SLC45A4: variants seen among roughly 807,000 people sequenced by gnomAD.
SLC45A4 encodes the protein polyamine-transporter SLC45A4.
Under a neutral mutation model 63.7 loss-of-function variants are expected in SLC45A4, and 32 were observed. The observed-to-expected ratio is 0.50, with a 90% CI of 0.38 to 0.67. The LOEUF (loss-of-function observed/expected upper bound fraction) is 0.67. Ranked by LOEUF, SLC45A4 falls within the 30% of genes least tolerant of loss-of-function variation. The pLI is 0.00. For missense variants in SLC45A4, 1,027 were observed against 1,157.7 expected, an observed-to-expected ratio of 0.89 and a Z score of 1.64; for synonymous variants, 535 against 510.0, an observed-to-expected ratio of 1.05 and a Z score of -0.66.
chr8:141,246,407 CGG>C (rs1828195422), intron 2 of SLC45A4, among the ~76,000 whole-genome samples: 1 of 152,220 alleles, frequency 6.6e-6, no homozygotes, highest in Non-Finnish European at 1.5e-5. Context: ...CTGAGAGCCT[CGG>C]CCCTGGGGGT....
At position 141,209,854 on chromosome 8, in the gene SLC45A4, T is replaced by C. The variant is rs1275434516; in HGVS notation, c.*1718A>G. On this transcript the variant is annotated 3_prime_UTR_variant, in exon 9 of 9. Coordinates refer to ENST00000517878, the MANE Select transcript of SLC45A4 (RefSeq NM_001286646.2). ...GGGGTTGCGAAGCCCCTCTTCCTCCTAAAAATCAAGTCGCAGCCAGGCCCT... is the reference window on the plus strand; with the variant it reads ...GGGGTTGCGAAGCCCCTCTTCCTCCCAAAAATCAAGTCGCAGCCAGGCCCT... 1 of 152,222 alleles carries C rather than the reference T, an allele frequency of 6.6e-6. No homozygotes were observed. The highest frequency in any genetic ancestry group is 1.5e-5 in the Non-Finnish European group (1 of 68,064). The allele number at this position is 152,222 out of a possible 1,614,324, so 9.4% of individuals were successfully genotyped here. A position where few individuals can be genotyped will look rare whatever the true frequency, so the allele number is the denominator to read the frequency against.
intron 1 of SLC45A4, among the ~76,000 whole-genome samples, chr8:141,293,751 G>C (rs1416982283): frequency 6.6e-6 from 1 of 152,066 alleles, no homozygotes; most frequent in African/African-American, 2.4e-5. Context: ...TGGCAAACAT[G>C]GTGAAACCCC....
chr8:141,267,616 CA>C (rs1829328156), intron 1 of SLC45A4, among the ~76,000 whole-genome samples: 1 of 152,124 alleles, frequency 6.6e-6, no homozygotes, highest in Admixed American at 6.5e-5. Context: ...GCTGGAAGAA[CA>C]AGAGCCAATA....
At chr8:141,211,973 C>T (rs1171767135) in intron 8 of SLC45A4, 30 of 1,282,472 alleles carry the variant, frequency 2.3e-5, no homozygotes, top group East Asian at 9.0e-5. Context: ...TTTTAATTAT[C>T]GAAAAAGTGG....
chr8:141,264,238 G>T (rs1213757212), intron 1 of SLC45A4, among the ~76,000 whole-genome samples: 1 of 152,186 alleles, frequency 6.6e-6, no homozygotes, highest in East Asian at 1.9e-4. Context: ...GTGTGAGTCA[G>T]GAGCCACTTT....
chr8:141,223,553 C>A (rs888080735), intron 2 of SLC45A4, among the ~76,000 whole-genome samples: 1 of 152,214 alleles, frequency 6.6e-6, no homozygotes, highest in Non-Finnish European at 1.5e-5. Context: ...CGCAGAGCTG[C>A]GGAGCCTGTG....
chr8:141,239,206 CTG>C (rs961575485), intron 2 of SLC45A4, among the ~76,000 whole-genome samples: 4 of 152,154 alleles, frequency 2.6e-5, no homozygotes, highest in African/African-American at 9.7e-5. Context: ...AAAAAGGAAA[CTG>C]TTTAGGGTTA....
Position 141,211,335 on chromosome 8 carries a change from A to T in SLC45A4, c.*237T>A. ...CGAGCGGGGTCACATGGCTGGGCGC[A>T]GACACACTCACACGCGCACGCAGGA... is the stretch of plus-strand genomic sequence containing the variant. On this transcript the variant is annotated 3_prime_UTR_variant, in exon 9 of 9. Coordinates refer to ENST00000517878, the MANE Select transcript of SLC45A4 (RefSeq NM_001286646.2). 2 of 1,319,800 alleles carry T rather than the reference A, an allele frequency of 1.5e-6. No individual in the cohort carries two copies. The highest frequency in any genetic ancestry group is 2.0e-6 in the Non-Finnish European group (2 of 981,574). The allele number at this position is 1,319,800 out of a possible 1,614,324, so 81.8% of individuals were successfully genotyped here.
In SLC45A4 at chr8:141,293,920, G is replaced by A. The variant is rs149170926; in HGVS notation, c.-401+14176C>T. ...TGCACTCCAGCCTGGGCAACAGAGC[G>A]AGACTCTATCTCAAGAAAAAAAAAA... is the stretch of plus-strand genomic sequence containing the variant. On this transcript the variant is annotated intron_variant, in intron 1 of 8. Coordinates refer to ENST00000517878, the MANE Select transcript of SLC45A4 (RefSeq NM_001286646.2). 6.7e-3 allele frequency among the ~76,000 whole-genome samples: 1,004 copies of A among 149,426 alleles called. 11 individuals carry two copies. The highest frequency in any genetic ancestry group is 0.022 in the African/African-American group (886 of 40,532).
In SLC45A4 at chr8:141,212,321, T is replaced by C; in HGVS notation, c.2177A>G (p.Glu726Gly). 6.2e-7 allele frequency: 1 copy of C among 1,611,072 alleles called. No individual in the cohort carries two copies. The highest frequency in any genetic ancestry group is 1.7e-4 in the Middle Eastern group (1 of 6,052). The change falls in exon 8 of 9, where the codon GAG becomes GGG. Residue 726 changes from glutamate to glycine, a missense_variant. By Grantham distance (98) the Glu-to-Gly change is moderately conservative. Transcript: ENST00000517878. ...CAACGGGGAAGACAGGCCTTTCTGC[T>C]CCTCCTTGGCCTCCTCTGACACGTT... The part of the protein sequence containing the change: ...YPNVSEEAKE[E>G]QKGLSSPLAG...
chr8:141,307,810 C>G (rs1589874131), intron 1 of SLC45A4, among the ~76,000 whole-genome samples: 1 of 42,254 alleles, frequency 2.4e-5, no homozygotes, highest in Non-Finnish European at 5.2e-5. Flanking sequence ...GGGGTGGGGG[C>G]CGGGGTGGGG....
chr8:141,218,270 T>C lies in SLC45A4; in HGVS notation c.1370A>G (p.Asp457Gly), dbSNP rs1458324004. Residue 457 changes from aspartate to glycine, a missense_variant, in exon 5 of 9, where the codon GAC (aspartate) becomes GGC (glycine). Transcript: ENST00000517878. ...VLIKPSRSMS[D>G]LYDMQKRQRQ... ...CTGCCGCTTCTGCATGTCGTACAGG[T>C]CGCTCATGCTGCGCGACGGCTTGAT... 1 of 1,603,516 alleles carries C rather than the reference T, an allele frequency of 6.2e-7. No homozygotes were observed.
At chr8:141,220,959 T>C (rs1236268052) in intron 3 of SLC45A4, among the ~76,000 whole-genome samples, 1 of 152,220 alleles carries the variant, frequency 6.6e-6, no homozygotes, top group African/African-American at 2.4e-5. Flanking sequence ...GCCCACCCCA[T>C]GGCCAGTGCC....
At position 141,268,910 on chromosome 8, in the gene SLC45A4, A is replaced by C. The variant is rs1460917814; in HGVS notation, c.-400-14281T>G. On this transcript the variant is annotated intron_variant, in intron 1 of 8. Coordinates refer to ENST00000517878, the MANE Select transcript of SLC45A4 (RefSeq NM_001286646.2). The stretch of plus-strand genomic sequence containing the variant: ...TCATACAACGAGCCTCTAGTCCCAG[A>C]CACATGGGCTAAAGAAATACAAAGT... 2.6e-5 allele frequency among the ~76,000 whole-genome samples: 4 copies of C among 152,324 alleles called. No homozygotes were observed. In the East Asian group the frequency reaches 5.8e-4, roughly 22 times the overall value.
At chr8:141,241,930 G>T (rs527817757) in intron 2 of SLC45A4, among the ~76,000 whole-genome samples, 1 of 152,262 alleles carries the variant, frequency 6.6e-6, no homozygotes, top group African/African-American at 2.4e-5. Flanking sequence ...AGCTGTGAAG[G>T]CATGGTGCAT....
intron 2 of SLC45A4, among the ~76,000 whole-genome samples, chr8:141,222,779 G>A (rs4961258): frequency 0.64 from 98,105 of 152,148 alleles, 32,122 homozygotes; most frequent in East Asian, 0.82. Flanking sequence ...GTCCAAAGGC[G>A]CGGAAAGGAC....
rs374444134 is a variant in SLC45A4, at chr8:141,215,739, C to T, written c.1941+20G>A. 43 of 1,610,832 alleles carry T rather than the reference C, an allele frequency of 2.7e-5. No homozygotes were observed. The highest frequency in any genetic ancestry group is 2.7e-5 in the Non-Finnish European group (32 of 1,179,790). On this transcript the variant is annotated intron_variant, in intron 7 of 8. Coordinates refer to ENST00000517878, the MANE Select transcript of SLC45A4 (RefSeq NM_001286646.2). This position sits in a 1 kb window ranked among gnomAD's most constrained non-coding sequence, Gnocchi z 4.3. ...ACTCAGGAGGCTGGAGCGCAGATCTCAGGGCTACGGTGGACGCACCTGCTT... is the reference window on the plus strand; with the variant it reads ...ACTCAGGAGGCTGGAGCGCAGATCTTAGGGCTACGGTGGACGCACCTGCTT...
At position 141,253,854 on chromosome 8, in the gene SLC45A4, G is replaced by A; in HGVS notation, c.241+135C>T. The A allele has an allele frequency of 7.3e-6, 10 of 1,376,114 alleles. No homozygotes were observed. In the South Asian group the frequency reaches 1.0e-4, roughly 14 times the overall value. 85.2% of individuals were successfully genotyped at this position (1,376,114 alleles called of 1,614,324 possible). On this transcript the variant is annotated intron_variant, in intron 2 of 8. Transcript: ENST00000517878. Reference sequence around the variant, plus strand: ...AAACCACCATCAGGGCAGGCTGAAGGGAGAGGAGACAAAGACTCCAGTGCC... The same window carrying A: ...AAACCACCATCAGGGCAGGCTGAAGAGAGAGGAGACAAAGACTCCAGTGCC...
chr8:141,295,648 ATCTCCCTGAACTGCCC>A (rs1830518473), intron 1 of SLC45A4, among the ~76,000 whole-genome samples: 1 of 152,176 alleles, frequency 6.6e-6, no homozygotes, highest in Non-Finnish European at 1.5e-5. Flanking sequence ...AAGCAACTCC[ATCTCCCTGAACTGCCC>A]CACGGCAGCA....
Sources: gnomAD v4.1 joint callset for allele counts (sites outside exome capture counted in the v4.1 genomes callset) on GRCh38, gnomAD v4.1.1 for gene constraint, Gnocchi (gnomAD v3.1) non-coding constraint, MANE v1.5 for transcripts, NCBI Gene and HGNC (gene_info 2026-07-23, HGNC 2026-07-21) for gene names.